ZNF600: variants seen among roughly 807,000 people sequenced by gnomAD.
ZNF600 encodes zinc finger protein KR-ZNF1.
ZNF600 carries 4 observed loss-of-function variants against 7.3 expected under a neutral mutation model. The ratio of observed to expected loss-of-function variants is 0.55; its 90% confidence interval spans 0.27 to 1.25. The LOEUF is 1.25. Ranked by LOEUF, ZNF600 falls within the 50% of genes most tolerant of loss-of-function variation. ZNF600 has a pLI of 0.12. For missense variants in ZNF600, 911 were observed against 922.1 expected (o/e 0.99, Z 0.16); for synonymous variants, 290 against 308.9 (o/e 0.94, Z 0.64).
the ZNF600 span, among the ~76,000 whole-genome samples, chr19:52,824,114 G>A: frequency 4.0e-5 from 6 of 151,310 alleles, no homozygotes; most frequent in African/African-American, 1.2e-4. Flanking sequence ...AAATATGGCC[G>A]GCGCAGTGGC....
At chr19:52,800,035 C>A in the ZNF600 span, 2 of 1,614,194 alleles carry the variant, frequency 1.2e-6, no homozygotes, top group South Asian at 1.1e-5. Context: ...TAAGGTTTCT[C>A]TCCAGTATGA....
At chr19:52,813,382 G>A in the ZNF600 span, among the ~76,000 whole-genome samples, 1 of 151,832 alleles carries the variant, frequency 6.6e-6, no homozygotes. Context: ...ATTCACTCTG[G>A]GGATTCGCCA....
At chr19:52,804,697 G>A in the ZNF600 span, among the ~76,000 whole-genome samples, 7 of 152,042 alleles carry the variant, frequency 4.6e-5, no homozygotes, top group African/African-American at 7.2e-5. Context: ...TAAATTCGAG[G>A]TTTCACCATG....
chr19:52,777,511 A>G (rs2062685683), intron 2 of ZNF600, among the ~76,000 whole-genome samples: 1 of 152,132 alleles, frequency 6.6e-6, no homozygotes, highest in East Asian at 1.9e-4. Context: ...ACTGCACTCC[A>G]GCCTGGACAA....
At chr19:52,832,551 C>T in the ZNF600 span, among the ~76,000 whole-genome samples, 5,315 of 151,288 alleles carry the variant, frequency 0.035, 126 homozygotes, top group Non-Finnish European at 0.043. Flanking sequence ...GCTGAGATCC[C>T]ATCACTGCAC....
chr19:52,809,834 C>CGGCGGCGGCGGT, the ZNF600 span: 264 of 555,750 alleles, frequency 4.8e-4, no homozygotes, highest in Non-Finnish European at 7.2e-4. Context: ...GCGGCGGCGG[C>CGGCGGCGGCGGT]GGCGGTGGCG....
At chr19:52,810,074 T>A in the ZNF600 span, 20 of 754,312 alleles carry the variant, frequency 2.7e-5, no homozygotes, top group African/African-American at 2.8e-4. Context: ...CTCCAGGACC[T>A]GGGCCTCGTT....
chr19:52,800,465 A>C, the ZNF600 span: 1 of 1,613,612 alleles, frequency 6.2e-7, no homozygotes, highest in African/African-American at 1.3e-5. Context: ...CTGCAGTATG[A>C]AGTCTATGAT....
At chr19:52,788,111 C>A (rs193047717), upstream of ZNF600, among the ~76,000 whole-genome samples, 463 of 150,600 alleles carry the variant, frequency 3.1e-3, 4 homozygotes, top group Non-Finnish European at 5.4e-3. Context: ...CTGGTGTGAG[C>A]CCTTCCCAGG....
exon 4 of ZNF600, chr19:52,765,368 A>G (rs989198518): frequency 3.1e-5 from 25 of 797,616 alleles, no homozygotes; most frequent in Middle Eastern, 2.3e-4. Flanking sequence ...GAATTCTCCT[A>G]TGTTTTGCAT....
At chr19:52,811,763 G>C in the ZNF600 span, among the ~76,000 whole-genome samples, 1 of 147,962 alleles carries the variant, frequency 6.8e-6, no homozygotes, top group East Asian at 2.1e-4. Flanking sequence ...AGGGAGGTCG[G>C]GGGGGTCAGC....
chr19:52,809,675 G>A, the ZNF600 span: 1 of 357,086 alleles, frequency 2.8e-6, no homozygotes, highest in African/African-American at 2.2e-5. Context: ...ACGTGGTGTT[G>A]GCTGCCTGTA....
the ZNF600 span, chr19:52,801,591 A>C: frequency 1.2e-6 from 2 of 1,614,186 alleles, no homozygotes; most frequent in Non-Finnish European, 1.7e-6. Context: ...CTGGAAGCAA[A>C]AATCTCCAAT....
At chr19:52,785,310 C>T (rs2062754937) in intron 1 of ZNF600, among the ~76,000 whole-genome samples, 1 of 151,256 alleles carries the variant, frequency 6.6e-6, no homozygotes, top group Non-Finnish European at 1.5e-5. Context: ...TGCACCGGTG[C>T]GATCTTGGCT....
At chr19:52,813,400 G>A in the ZNF600 span, among the ~76,000 whole-genome samples, 175 of 152,070 alleles carry the variant, frequency 1.2e-3, 21 homozygotes, top group African/African-American at 3.4e-3. Flanking sequence ...CCATGGACAC[G>A]TCTCAACAGT....
At chr19:52,795,945 C>T in the ZNF600 span, among the ~76,000 whole-genome samples, 30 of 151,930 alleles carry the variant, frequency 2.0e-4, no homozygotes, top group African/African-American at 7.0e-4. Context: ...GAGGCCGATG[C>T]AGCTGGATCG....
chr19:52,803,982 T>G, the ZNF600 span, among the ~76,000 whole-genome samples: 1 of 152,156 alleles, frequency 6.6e-6, no homozygotes, highest in African/African-American at 2.4e-5. Context: ...GATAAATAAC[T>G]ACTTCTCAAA....
the ZNF600 span, among the ~76,000 whole-genome samples, chr19:52,802,861 C>T: frequency 2.0e-5 from 3 of 149,096 alleles, no homozygotes; most frequent in South Asian, 2.1e-4. Flanking sequence ...CCCGGGTTCA[C>T]GCCATTCTCC....
Position 52,786,800 on chromosome 19 carries a change from G to GC in ZNF600, c.-226dup, listed in dbSNP as rs2062768033. 2 of 364,690 alleles carry GC rather than the reference G, an allele frequency of 5.5e-6. No homozygotes were observed. The highest frequency in any genetic ancestry group is 2.7e-5 in the Admixed American group (1 of 37,488). 22.6% of individuals were successfully genotyped at this position (364,690 alleles called of 1,614,324 possible). A position where few individuals can be genotyped will look rare whatever the true frequency, so the allele number is the denominator to read the frequency against. On this transcript the variant is annotated 5_prime_UTR_variant, in exon 1 of 4. Transcript: ENST00000648973. ...TGTGCGCGCCCAGGACTGAAGCCAG[G>GC]CCGGGGCAGGTTGGCTGGACCTGGG...
Sources: gnomAD v4.1 joint callset for allele counts (sites outside exome capture counted in the v4.1 genomes callset) on GRCh38, gnomAD v4.1.1 for gene constraint, MANE v1.5 for transcripts, NCBI Gene and HGNC (gene_info 2026-07-23, HGNC 2026-07-21) for gene names.